Variants in OSBPL1A observed in about 807,000 individuals in gnomAD.
OSBPL1A encodes the protein oxysterol-binding protein-related protein 1.
A neutral mutation model predicts 137.1 loss-of-function variants in OSBPL1A; 80 were observed. The observed-to-expected ratio is 0.58, with a 90% CI of 0.49 to 0.70. The LOEUF is 0.70. Ranked by LOEUF, OSBPL1A falls within the 30% of genes least tolerant of loss-of-function variation. OSBPL1A has a pLI of 0.00. For missense variants in OSBPL1A, 970 were observed against 1,129.4 expected, an observed-to-expected ratio of 0.86 and a Z score of 2.02; for synonymous variants, 365 against 389.7, an observed-to-expected ratio of 0.94 and a Z score of 0.75.
At chr18:24,327,882 T>C (rs962825104) in intron 7 of OSBPL1A, among the ~76,000 whole-genome samples, 2 of 152,110 alleles carry the variant, frequency 1.3e-5, no homozygotes, top group African/African-American at 4.8e-5. Flanking sequence ...TTTTTTTTTT[T>C]CCATTTAGAC....
At chr18:24,391,284 A>T (rs1215272324) in intron 1 of OSBPL1A, among the ~76,000 whole-genome samples, 2 of 152,168 alleles carry the variant, frequency 1.3e-5, no homozygotes. Context: ...GGTGGCTCGG[A>T]GAAGGGAGGA....
intron 18 of OSBPL1A, among the ~76,000 whole-genome samples, chr18:24,182,221 A>G (rs542624612): frequency 2.0e-5 from 3 of 152,352 alleles, no homozygotes; most frequent in African/African-American, 7.2e-5. Flanking sequence ...TGCCTCCATC[A>G]CAAGCGACTC....
At chr18:24,186,844 C>A (rs960470944) in intron 18 of OSBPL1A, among the ~76,000 whole-genome samples, 1 of 133,660 alleles carries the variant, frequency 7.5e-6, no homozygotes, top group Admixed American at 9.0e-5. Context: ...GCAGAGGTTG[C>A]AGTGAGCCAA....
chr18:24,336,500 GT>G (rs1373374258), intron 5 of OSBPL1A, among the ~76,000 whole-genome samples: 4 of 152,258 alleles, frequency 2.6e-5, no homozygotes, highest in Middle Eastern at 3.4e-3. Context: ...TATGGATGCT[GT>G]TTACAGAGAT....
chr18:24,341,481 T>G, intron 5 of OSBPL1A, 66 bp downstream of exon 5: 1 of 1,246,254 alleles, frequency 8.0e-7, no homozygotes, highest in Non-Finnish European at 1.2e-6. Flanking sequence ...TCAGAAGCCA[T>G]TTTTAGTCAG....
intron 15 of OSBPL1A, among the ~76,000 whole-genome samples, chr18:24,272,882 C>T (rs2089755222): frequency 6.6e-6 from 1 of 151,982 alleles, no homozygotes; most frequent in East Asian, 1.9e-4. Context: ...TCTTTGTTTT[C>T]ATTGTTATTT....
At chr18:24,244,589 T>A (rs1235667618) in intron 15 of OSBPL1A, among the ~76,000 whole-genome samples, 5 of 152,246 alleles carry the variant, frequency 3.3e-5, no homozygotes, top group Admixed American at 6.5e-5. Context: ...ACATACGCAT[T>A]GATCTGTGTC....
At chr18:24,381,880 G>T (rs981084651) in intron 1 of OSBPL1A, among the ~76,000 whole-genome samples, 13 of 151,822 alleles carry the variant, frequency 8.6e-5, no homozygotes, top group African/African-American at 3.1e-4. Flanking sequence ...AGAATCGCTT[G>T]AACCCGGGAG....
intron 1 of OSBPL1A, among the ~76,000 whole-genome samples, chr18:24,378,398 T>G (rs963253025): frequency 2.6e-5 from 4 of 152,208 alleles, no homozygotes; most frequent in Non-Finnish European, 5.9e-5. Flanking sequence ...TTTGGCAATA[T>G]CAAATAAACT....
At chr18:24,336,438 A>G (rs1380267197) in intron 5 of OSBPL1A, among the ~76,000 whole-genome samples, 1 of 152,154 alleles carries the variant, frequency 6.6e-6, no homozygotes, top group African/African-American at 2.4e-5. Context: ...CATCAATGAA[A>G]ACAAATATTC....
chr18:24,250,213 G>A lies in OSBPL1A; in HGVS notation c.1282-10831C>T, dbSNP rs117737136. ...TTTTTTTGACATGGAGTCTCACTCC[G>A]TCGCCCAGACTGGAGAGCAGTAGTG... On this transcript the variant is annotated intron_variant, in intron 15 of 27. Coordinates refer to ENST00000319481, the MANE Select transcript of OSBPL1A (RefSeq NM_080597.4). Among the ~76,000 whole-genome samples, 675 of 145,572 alleles carry A rather than the reference G, an allele frequency of 4.6e-3. 8 individuals carry two copies. Among genetic ancestry groups the A allele is most frequent in the South Asian group, 0.02 (92 of 4,596 alleles).
At chr18:24,243,708 G>A (rs2088791282) in intron 15 of OSBPL1A, among the ~76,000 whole-genome samples, 2 of 152,172 alleles carry the variant, frequency 1.3e-5, no homozygotes, top group African/African-American at 4.8e-5. Context: ...AGAGACTGAG[G>A]CTCTAGCCAC....
intron 4 of OSBPL1A, among the ~76,000 whole-genome samples, chr18:24,349,118 A>G (rs1288994779): frequency 6.6e-6 from 1 of 152,104 alleles, no homozygotes; most frequent in Admixed American, 6.6e-5. Context: ...AATTAGCTGT[A>G]ATCACACTAC....
At position 24,271,920 on chromosome 18, in the gene OSBPL1A, T is replaced by G. The variant is rs2089731401; in HGVS notation, c.1281+8922A>C. Reference sequence around the variant, plus strand: ...CCGCCCGGGCCGCAGAGGTCTGCGCTGCCCCTCCGCCGCCGCTGGCTCGGC... The same window carrying G: ...CCGCCCGGGCCGCAGAGGTCTGCGCGGCCCCTCCGCCGCCGCTGGCTCGGC... On this transcript the variant is annotated intron_variant, in intron 15 of 27. Transcript: ENST00000319481. This position sits in a 1 kb window ranked among gnomAD's most constrained non-coding sequence, Gnocchi z 4.0. 1 of 983,714 alleles carries G rather than the reference T, an allele frequency of 1.0e-6. No homozygotes were observed. The allele number at this position is 983,714 out of a possible 1,614,324, so 60.9% of individuals were successfully genotyped here.
chr18:24,172,395 C>T lies in OSBPL1A; in HGVS notation c.2182G>A (p.Val728Met), dbSNP rs748032828. 3.1e-6 allele frequency: 5 copies of T among 1,613,136 alleles called. No homozygotes were observed. The highest frequency in any genetic ancestry group is 4.2e-6 in the Non-Finnish European group (5 of 1,179,364). Residue 728 changes from valine (V) to methionine (M), a missense_variant, in exon 22 of 28, where the codon GTG becomes ATG. Transcript: ENST00000319481. ...GKLWIEQYGN[V>M]EIINHKTGDK... The stretch of plus-strand genomic sequence containing the variant: ...CCTTACTTGTGGTTTATAATTTCCA[C>T]ATTGCCATACTGTTCGATCCACAGT...
At chr18:24,262,128 A>C (rs1028852180) in intron 15 of OSBPL1A, among the ~76,000 whole-genome samples, 1 of 152,222 alleles carries the variant, frequency 6.6e-6, no homozygotes, top group Admixed American at 6.5e-5. Flanking sequence ...ATATTTTAAA[A>C]TACGCCTACT....
In OSBPL1A at chr18:24,303,948, A is replaced by T. The variant is rs572805892; in HGVS notation, c.1093-230T>A. 5.3e-5 allele frequency among the ~76,000 whole-genome samples: 8 copies of T among 152,306 alleles called. No homozygotes were observed. The East Asian group carries it at 1.5e-3, about 29-fold the overall frequency. Reference sequence around the variant, plus strand: ...TTTTAAAGGTTTAAATACATTCAACATCTGTTGTGTAGATACCATACAATT... The same window carrying T: ...TTTTAAAGGTTTAAATACATTCAACTTCTGTTGTGTAGATACCATACAATT... On this transcript the variant is annotated intron_variant, in intron 13 of 27. Coordinates refer to ENST00000319481, the MANE Select transcript of OSBPL1A (RefSeq NM_080597.4).
chr18:24,290,372 A>C (rs2146085895), intron 14 of OSBPL1A, among the ~76,000 whole-genome samples: 1 of 152,316 alleles, frequency 6.6e-6, no homozygotes, highest in South Asian at 2.1e-4. Context: ...GACAGAACAT[A>C]CATCCAGAAG....
intron 14 of OSBPL1A, among the ~76,000 whole-genome samples, chr18:24,292,780 AG>A (rs1178928712): frequency 6.6e-6 from 1 of 152,118 alleles, no homozygotes; most frequent in Non-Finnish European, 1.5e-5. Flanking sequence ...GTACCAGCTA[AG>A]GGTCTCAGCA....
Sources: allele counts gnomAD v4.1 joint callset (sites outside exome capture counted in the v4.1 genomes callset), GRCh38; gene constraint gnomAD v4.1.1; non-coding constraint Gnocchi (gnomAD v3.1); transcripts MANE v1.5; gene names NCBI Gene and HGNC (gene_info 2026-07-23, HGNC 2026-07-21).